Variants in TNKS2 observed in about 807,000 individuals in gnomAD.
The protein encoded by TNKS2 is poly [ADP-ribose] polymerase tankyrase-2.
In TNKS2, 72 loss-of-function variants were observed where a neutral mutation model predicts 137.6. The ratio of observed to expected loss-of-function variants is 0.52; its 90% CI spans 0.43 to 0.64. The LOEUF (loss-of-function observed/expected upper bound fraction) is 0.64. Ranked by LOEUF, TNKS2 falls within the 30% of genes least tolerant of loss-of-function variation. The pLI, the probability that TNKS2 is intolerant of heterozygous loss-of-function variation, is 0.00. For missense variants in TNKS2, 1,049 were observed against 1,410.2 expected (o/e 0.74, Z 4.10); for synonymous variants, 516 against 512.1 (o/e 1.01, Z -0.10).
intron 2 of TNKS2, among the ~76,000 whole-genome samples, chr10:91,813,468 G>A (rs184273719): frequency 1.3e-4 from 20 of 152,294 alleles, no homozygotes; most frequent in African/African-American, 4.8e-4. Context: ...CCAGATAAAG[G>A]CATGGTGGAA....
chr10:91,822,958 C>T (rs1448164898), intron 7 of TNKS2, among the ~76,000 whole-genome samples: 1 of 150,690 alleles, frequency 6.6e-6, no homozygotes, highest in African/African-American at 2.4e-5. Flanking sequence ...GAGGCTGTGG[C>T]AGGAGAATCG....
chr10:91,811,452 G>T lies in TNKS2; in HGVS notation c.200-1531G>T, dbSNP rs1449966963. On this transcript the variant is annotated intron_variant, in intron 1 of 26. Transcript: ENST00000371627. ...CTAGTTTAGGAGTTCCCTTCTTTGA[G>T]CTCTAGTAGCACTTTATATATACAT... is the stretch of plus-strand genomic sequence containing the variant. Among the ~76,000 whole-genome samples the T allele has an allele frequency of 1.1e-4, 16 of 151,826 alleles. No homozygotes were observed. The East Asian group carries it at 3.1e-3, about 29-fold the overall frequency.
intron 3 of TNKS2, among the ~76,000 whole-genome samples, chr10:91,818,548 G>T (rs1044152329): frequency 2.0e-5 from 3 of 152,086 alleles, no homozygotes; most frequent in African/African-American, 7.2e-5. Context: ...GTGCATGTGT[G>T]TGTATCAAGG....
chr10:91,804,819 C>T (rs1396597334), intron 1 of TNKS2, among the ~76,000 whole-genome samples: 2 of 152,126 alleles, frequency 1.3e-5, no homozygotes, highest in Non-Finnish European at 2.9e-5. Flanking sequence ...TGCAGTGGTG[C>T]GATCTTGGCT....
At position 91,813,053 on chromosome 10, in the gene TNKS2, G is replaced by A. The variant is rs1284921085; in HGVS notation, c.270G>A (p.Gly90=). The change falls in exon 2 of 27, where the codon GGG becomes GGA. Residue 90 remains glycine (G), a synonymous_variant. Coordinates refer to ENST00000371627, the MANE Select transcript of TNKS2 (RefSeq NM_025235.4). ...CAAATGTCCAAGCACGTGATGATGGGGGCCTTATTCCTCTTCATAATGCAT... is the reference window on the plus strand; with the variant it reads ...CAAATGTCCAAGCACGTGATGATGGAGGCCTTATTCCTCTTCATAATGCAT... ...NGANVQARDD[G]GLIPLHNACS... The A allele has an allele frequency of 5.0e-6, 8 of 1,613,958 alleles. No homozygotes were observed. The East Asian group carries it at 1.8e-4, about 36-fold the overall frequency.
chr10:91,822,279 C>T lies in TNKS2; in HGVS notation c.729-17C>T, dbSNP rs769175464. ...AATCTATACTGAAACAGGATTTTCC[C>T]CCCCTTCTCATTGTAGTGATCTGGT... On this transcript the variant is annotated splice_polypyrimidine_tract_variant and intron_variant, in intron 6 of 26. Transcript: ENST00000371627. 14 of 1,596,766 alleles carry T rather than the reference C, an allele frequency of 8.8e-6. No individual in the cohort carries two copies. The highest frequency in any genetic ancestry group is 2.7e-5 in the African/African-American group (2 of 74,518).
At chr10:91,825,851 A>C (rs1312887251) in intron 7 of TNKS2, among the ~76,000 whole-genome samples, 2 of 152,398 alleles carry the variant, frequency 1.3e-5, no homozygotes, top group African/African-American at 4.8e-5. Flanking sequence ...GCCACGTAGC[A>C]GTGGAACTCA....
intron 7 of TNKS2, among the ~76,000 whole-genome samples, chr10:91,823,529 G>T (rs1478235160): frequency 6.6e-6 from 1 of 151,920 alleles, no homozygotes; most frequent in East Asian, 1.9e-4. Context: ...GTTTCACCAT[G>T]TTGGCCAGGC....
intron 12 of TNKS2, among the ~76,000 whole-genome samples, chr10:91,836,203 C>T (rs1204366512): frequency 6.6e-6 from 1 of 151,774 alleles, no homozygotes; most frequent in African/African-American, 2.4e-5. Flanking sequence ...CTGTTATTAC[C>T]TGACATATTT....
At chr10:91,841,038 A>G (rs1443678854) in intron 14 of TNKS2, among the ~76,000 whole-genome samples, 4 of 152,166 alleles carry the variant, frequency 2.6e-5, no homozygotes, top group Non-Finnish European at 4.4e-5. Context: ...TATTAAAAAT[A>G]TACAATTCTA....
At chr10:91,835,081 ATAT>A (rs1459690066) in intron 12 of TNKS2, among the ~76,000 whole-genome samples, 1 of 152,198 alleles carries the variant, frequency 6.6e-6, no homozygotes, top group Admixed American at 6.5e-5. Context: ...ACAATTCTTA[ATAT>A]TTTCCTTGAG....
At position 91,798,554 on chromosome 10, in the gene TNKS2, A is replaced by T; in HGVS notation, c.-137A>T. 1.9e-6 allele frequency: 2 copies of T among 1,041,202 alleles called. No individual in the cohort carries two copies. Among genetic ancestry groups the T allele is most frequent in the Non-Finnish European group, 2.4e-6 (2 of 826,210 alleles). 64.5% of individuals were successfully genotyped at this position (1,041,202 alleles called of 1,614,324 possible). A position where few individuals can be genotyped will look rare whatever the true frequency, so the allele number is the denominator to read the frequency against. ...GGGCGCGGCCATGGGACTGCGCCGG[A>T]TCCGGTGACAGCAGGGAGCCAAGCG... On this transcript the variant is annotated 5_prime_UTR_variant, in exon 1 of 27. Transcript: ENST00000371627.
chr10:91,836,571 TTC>T, intron 12 of TNKS2: 1 of 907,802 alleles, frequency 1.1e-6, no homozygotes, highest in Non-Finnish European at 1.3e-6. Context: ...ACAGTTAGAT[TTC>T]TGTTTGCTCT....
chr10:91,812,135 T>C (rs990819823), intron 1 of TNKS2, among the ~76,000 whole-genome samples: 1 of 152,016 alleles, frequency 6.6e-6, no homozygotes, highest in Non-Finnish European at 1.5e-5. Context: ...CCCAAACACA[T>C]TGTAGACCAC....
chr10:91,851,437 A>T, intron 21 of TNKS2, 101 bp downstream of exon 21: 1 of 1,286,670 alleles, frequency 7.8e-7, no homozygotes, highest in Non-Finnish European at 1.1e-6. Context: ...GAATCTGTTT[A>T]ATAGGAAGAA....
chr10:91,857,420 T>C lies in TNKS2; in HGVS notation c.2989-5T>C, dbSNP rs1361049789. Reference sequence around the variant, plus strand: ...GATTTGATTTTTCTGGTTTATTTTTTATAGATTCAGAAGGTTTGTAACAAG... The same window carrying C: ...GATTTGATTTTTCTGGTTTATTTTTCATAGATTCAGAAGGTTTGTAACAAG... On this transcript the variant is annotated splice_polypyrimidine_tract_variant and splice_region_variant and intron_variant, in intron 23 of 26. Coordinates refer to ENST00000371627, the MANE Select transcript of TNKS2 (RefSeq NM_025235.4). 6.3e-7 allele frequency: 1 copy of C among 1,582,966 alleles called. No individual in the cohort carries two copies. The highest frequency in any genetic ancestry group is 1.8e-5 in the Admixed American group (1 of 55,514).
rs1212219431 is a variant in TNKS2, at chr10:91,851,428, A to G, written c.2815+92A>G. 15 of 1,386,464 alleles carry G rather than the reference A, an allele frequency of 1.1e-5. No homozygotes were observed. In the Middle Eastern group the frequency reaches 6.7e-4, roughly 62 times the overall value. The allele number at this position is 1,386,464 out of a possible 1,614,324, so 85.9% of individuals were successfully genotyped here. The stretch of plus-strand genomic sequence containing the variant: ...AAGTTATAATTTAAAAATATGAGAG[A>G]ATCTGTTTAATAGGAAGAATACTAA... On this transcript the variant is annotated intron_variant, in intron 21 of 26. Transcript: ENST00000371627.
chr10:91,833,676 C>A (rs1288164840), intron 11 of TNKS2, among the ~76,000 whole-genome samples, 177 bp from the exon 12 acceptor site: 2 of 152,058 alleles, frequency 1.3e-5, no homozygotes, highest in Non-Finnish European at 2.9e-5. Flanking sequence ...TGATGGTAGC[C>A]TTCATGACTT....
intron 21 of TNKS2, among the ~76,000 whole-genome samples, chr10:91,852,088 C>T (rs1292465547): frequency 2.0e-5 from 3 of 149,098 alleles, no homozygotes; most frequent in Non-Finnish European, 4.5e-5. Flanking sequence ...ATTAGCCGGG[C>T]GTGGTGGTGG....
Sources: allele counts gnomAD v4.1 joint callset (sites outside exome capture counted in the v4.1 genomes callset), GRCh38; gene constraint gnomAD v4.1.1; transcripts MANE v1.5; gene names NCBI Gene and HGNC (gene_info 2026-07-23, HGNC 2026-07-21).